The following GALNTL6 variants were observed in gnomAD, a reference collection of about 807,000 sequenced individuals.
The protein encoded by GALNTL6 is polypeptide N-acetylgalactosaminyltransferase like 6.
A neutral mutation model predicts 73.7 loss-of-function variants in GALNTL6; 46 were observed. The observed-to-expected ratio is 0.62, with a 90% CI of 0.49 to 0.80. The LOEUF (loss-of-function observed/expected upper bound fraction) is 0.80. Ranked by LOEUF, GALNTL6 falls within the 30% of genes least tolerant of loss-of-function variation. GALNTL6 has a pLI of 0.00. For synonymous variants in GALNTL6, 259 were observed against 263.7 expected (o/e 0.98, Z 0.17); for missense variants, 604 against 755.0 (o/e 0.80, Z 2.34).
chr4:172,472,903 T>G (rs1287268020), intron 5 of GALNTL6, among the ~76,000 whole-genome samples: 1 of 152,210 alleles, frequency 6.6e-6, no homozygotes, highest in African/African-American at 2.4e-5. Context: ...TTTATGGTAC[T>G]TTGTTACTGC....
At chr4:172,316,886 AGAT>A (rs1740577856) in intron 4 of GALNTL6, among the ~76,000 whole-genome samples, 1 of 152,220 alleles carries the variant, frequency 6.6e-6, no homozygotes, top group African/African-American at 2.4e-5. Flanking sequence ...TGGCAGAATA[AGAT>A]GACTGATCTC....
intron 2 of GALNTL6, among the ~76,000 whole-genome samples, chr4:171,935,927 G>A (rs896940983): frequency 2.0e-4 from 31 of 152,118 alleles, no homozygotes; most frequent in African/African-American, 7.2e-4. Flanking sequence ...TAGCCTTCAT[G>A]CCAAAAGTGA....
At chr4:171,952,523 CTT>C (rs1240344370) in intron 2 of GALNTL6, among the ~76,000 whole-genome samples, 10 of 151,896 alleles carry the variant, frequency 6.6e-5, no homozygotes, top group Admixed American at 6.6e-5. Flanking sequence ...ATTTCAATGA[CTT>C]ATTATCAAGT....
At chr4:172,463,224 A>C (rs1429061249) in intron 5 of GALNTL6, among the ~76,000 whole-genome samples, 1 of 152,068 alleles carries the variant, frequency 6.6e-6, no homozygotes, top group Non-Finnish European at 1.5e-5. Context: ...CTATTTCTAG[A>C]GCAGGAAGGA....
At chr4:172,556,258 T>C (rs1431046737) in intron 5 of GALNTL6, among the ~76,000 whole-genome samples, 2 of 152,066 alleles carry the variant, frequency 1.3e-5, no homozygotes, top group Non-Finnish European at 2.9e-5. Flanking sequence ...ACCTTTTTCC[T>C]TCTAGGTAGG....
intron 8 of GALNTL6, among the ~76,000 whole-genome samples, chr4:172,917,615 A>C (rs540992243): frequency 6.6e-6 from 1 of 152,372 alleles, no homozygotes; most frequent in Non-Finnish European, 1.5e-5. Context: ...TCTCAAAAGA[A>C]GACTTTTATG....
intron 5 of GALNTL6, among the ~76,000 whole-genome samples, chr4:172,692,738 T>C (rs1733389419): frequency 6.6e-6 from 1 of 152,234 alleles, no homozygotes; most frequent in Non-Finnish European, 1.5e-5. Flanking sequence ...ATGAAACTTT[T>C]AGATAATGAG....
At chr4:171,902,443 T>C (rs1446455891) in intron 2 of GALNTL6, among the ~76,000 whole-genome samples, 1 of 152,200 alleles carries the variant, frequency 6.6e-6, no homozygotes, top group African/African-American at 2.4e-5. Flanking sequence ...CATTGACAAT[T>C]TGATGACAGG....
intron 5 of GALNTL6, among the ~76,000 whole-genome samples, chr4:172,788,997 A>G (rs1739841187): frequency 6.6e-6 from 1 of 152,186 alleles, no homozygotes; most frequent in African/African-American, 2.4e-5. Context: ...TCACACCACA[A>G]CAATCATCAA....
At chr4:172,217,261 C>T (rs886746486) in intron 2 of GALNTL6, among the ~76,000 whole-genome samples, 3 of 152,006 alleles carry the variant, frequency 2.0e-5, no homozygotes, top group South Asian at 4.2e-4. Context: ...TTTGCAAGGC[C>T]GTTTCAAAAT....
chr4:171,874,585 A>G (rs893173028), intron 2 of GALNTL6, among the ~76,000 whole-genome samples: 1 of 152,078 alleles, frequency 6.6e-6, no homozygotes, highest in African/African-American at 2.4e-5. Flanking sequence ...CTGATCATCA[A>G]CCATGGCTGG....
intron 2 of GALNTL6, among the ~76,000 whole-genome samples, chr4:171,956,009 T>TGG (rs10690799): frequency 0.28 from 39,676 of 143,958 alleles, 5,917 homozygotes; most frequent in African/African-American, 0.42. Context: ...TGTGTGTGTG[T>TGG]GTGTGGGACA....
At chr4:172,322,268 T>G (rs1053764232) in intron 4 of GALNTL6, among the ~76,000 whole-genome samples, 1 of 152,152 alleles carries the variant, frequency 6.6e-6, no homozygotes, top group African/African-American at 2.4e-5. Context: ...CTAAAACTTT[T>G]TAATGAACTT....
chr4:172,974,460 A>G (rs1372795626), intron 10 of GALNTL6, among the ~76,000 whole-genome samples: 1 of 152,210 alleles, frequency 6.6e-6, no homozygotes, highest in Non-Finnish European at 1.5e-5. Flanking sequence ...ACTAATTCAT[A>G]TTTTCAAAAT....
chr4:172,818,676 G>A (rs1741747132), intron 7 of GALNTL6, among the ~76,000 whole-genome samples: 2 of 152,122 alleles, frequency 1.3e-5, no homozygotes, highest in African/African-American at 2.4e-5. Flanking sequence ...TCGGCTCACT[G>A]CAACCTCTGC....
intron 5 of GALNTL6, among the ~76,000 whole-genome samples, chr4:172,470,629 T>A (rs1239531566): frequency 6.6e-6 from 1 of 152,168 alleles, no homozygotes; most frequent in East Asian, 1.9e-4. Flanking sequence ...GCCATATGGA[T>A]TTTGACAACC....
chr4:172,606,259 G>A (rs905956516), intron 5 of GALNTL6, among the ~76,000 whole-genome samples: 3 of 151,494 alleles, frequency 2.0e-5, no homozygotes, highest in African/African-American at 4.9e-5. Flanking sequence ...GTTCCAGACC[G>A]GCCTGACCAA....
At chr4:171,964,318 T>G (rs1739321671) in intron 2 of GALNTL6, among the ~76,000 whole-genome samples, 1 of 152,220 alleles carries the variant, frequency 6.6e-6, no homozygotes, top group African/African-American at 2.4e-5. Flanking sequence ...CATCTTTTTA[T>G]TCCTCTGAAG....
chr4:171,876,526 C>A (rs1297753040), intron 2 of GALNTL6, among the ~76,000 whole-genome samples: 1 of 152,076 alleles, frequency 6.6e-6, no homozygotes, highest in South Asian at 2.1e-4. Context: ...AACGTGTTAG[C>A]AAAGTTAGTG....
Sources: allele counts gnomAD v4.1 joint callset (sites outside exome capture counted in the v4.1 genomes callset), GRCh38; gene constraint gnomAD v4.1.1; transcripts MANE v1.5; gene names NCBI Gene and HGNC (gene_info 2026-07-23, HGNC 2026-07-21).